Variants in SS18L1 observed in about 807,000 individuals in gnomAD.
SS18L1 encodes calcium-responsive transactivator.
In SS18L1, 32 loss-of-function variants were observed where a neutral mutation model predicts 70.3. That is an observed-to-expected ratio of 0.46 (90% CI 0.34 to 0.61). The LOEUF is 0.61. Among genes scored for constraint, SS18L1 ranks in the 20% least tolerant of loss-of-function variants. The pLI is 0.01. For missense variants in SS18L1, 430 were observed against 542.1 expected (o/e 0.79, Z 2.05); for synonymous variants, 237 against 229.7 (o/e 1.03, Z -0.29).
At chr20:62,152,171 G>A (rs768275011) in intron 1 of SS18L1, among the ~76,000 whole-genome samples, 1 of 152,116 alleles carries the variant, frequency 6.6e-6, no homozygotes, top group South Asian at 2.1e-4. Context: ...CTGGGGCTCC[G>A]CTGCCTCATG....
intron 7 of SS18L1, among the ~76,000 whole-genome samples, chr20:62,164,708 A>G (rs1020550605): frequency 6.6e-6 from 1 of 152,188 alleles, no homozygotes; most frequent in African/African-American, 2.4e-5. Context: ...GTCTTTGCAT[A>G]GTCCCAGGGC....
intron 1 of SS18L1, among the ~76,000 whole-genome samples, chr20:62,156,294 T>A (rs956578920): frequency 6.6e-6 from 1 of 152,170 alleles, no homozygotes; most frequent in African/African-American, 2.4e-5. Flanking sequence ...CCCATAGTTG[T>A]CCCTTCCTGC....
intron 4 of SS18L1, among the ~76,000 whole-genome samples, chr20:62,162,251 C>T (rs1018307385): frequency 6.6e-6 from 1 of 152,112 alleles, no homozygotes; most frequent in Non-Finnish European, 1.5e-5. Flanking sequence ...AAAATAACAA[C>T]AAATAAACGA....
rs528145159 is a variant in SS18L1, at chr20:62,159,649, G to T, written c.147-228G>T. 5.3e-4 allele frequency among the ~76,000 whole-genome samples: 80 copies of T among 152,182 alleles called. No individual in the cohort carries two copies. Among genetic ancestry groups the T allele is most frequent in the African/African-American group, 1.9e-3 (79 of 41,532 alleles). On this transcript the variant is annotated intron_variant, in intron 2 of 10. Transcript: ENST00000331758. The surrounding 1 kb of genome is among the most constrained non-coding windows in gnomAD (Gnocchi z 4.4). ...AGTCTTTCCAGAGTTTTTGTCATGG[G>T]TTGGGAGCCTGCTCAGGGTTTGGGG... is the stretch of plus-strand genomic sequence containing the variant.
rs375266157 is a variant in SS18L1, at chr20:62,157,420, C to T, written c.70-1252C>T. Among the ~76,000 whole-genome samples the T allele has an allele frequency of 9.8e-5, 15 of 152,334 alleles. No individual in the cohort carries two copies. The East Asian group carries it at 1.4e-3, about 14-fold the overall frequency. ...CCTGCTGCTCAGGTGTGGCCAGGCA[C>T]GTGGGTCACCAGGTCAGAGACAGGC... On this transcript the variant is annotated intron_variant, in intron 1 of 10. Transcript: ENST00000331758.
At chr20:62,162,962 G>T (rs761940228) in intron 5 of SS18L1, 31 bp downstream of exon 5, 3 of 1,603,772 alleles carry the variant, frequency 1.9e-6, no homozygotes, top group Admixed American at 3.4e-5. Context: ...ACCCCGGGGG[G>T]CCTGGGCCTG....
chr20:62,173,983 C>T (rs533576750), intron 9 of SS18L1, among the ~76,000 whole-genome samples: 2 of 151,758 alleles, frequency 1.3e-5, no homozygotes, highest in South Asian at 4.2e-4. Flanking sequence ...CACTGCACTC[C>T]AGCCTGGCTT....
Position 62,161,943 on chromosome 20 carries a change from G to A in SS18L1, c.376+363G>A, listed in dbSNP as rs186161734. On this transcript the variant is annotated intron_variant, in intron 4 of 10. Coordinates refer to ENST00000331758, the MANE Select transcript of SS18L1 (RefSeq NM_198935.3). This position sits in a 1 kb window ranked among gnomAD's most constrained non-coding sequence, Gnocchi z 4.4. Reference sequence around the variant, plus strand: ...ACCATTAACAGTAATATAACAGGCCGGGTGTGGTGGCTCAGATCTCTAATC... The same window carrying A: ...ACCATTAACAGTAATATAACAGGCCAGGTGTGGTGGCTCAGATCTCTAATC... Among the ~76,000 whole-genome samples the A allele has an allele frequency of 2.6e-5, 4 of 152,352 alleles. No individual in the cohort carries two copies. Among genetic ancestry groups the A allele is most frequent in the South Asian group, 2.1e-4 (1 of 4,826 alleles).
At position 62,174,418 on chromosome 20, in the gene SS18L1, A is replaced by G; in HGVS notation, c.1037-99A>G. ...TGATGCATTGAGACGGGAATTTTTC[A>G]AGGAGAAGAGGAAGTTTTAAAAAAA... On this transcript the variant is annotated intron_variant, in intron 9 of 10. Coordinates refer to ENST00000331758, the MANE Select transcript of SS18L1 (RefSeq NM_198935.3). The surrounding 1 kb of genome is among the most constrained non-coding windows in gnomAD (Gnocchi z 4.1). 1 of 1,502,220 alleles carries G rather than the reference A, an allele frequency of 6.7e-7. No homozygotes were observed. Among genetic ancestry groups the G allele is most frequent in the Non-Finnish European group, 8.9e-7 (1 of 1,128,918 alleles). The allele number at this position is 1,502,220 out of a possible 1,614,324, so 93.1% of individuals were successfully genotyped here. A position where few individuals can be genotyped will look rare whatever the true frequency, so the allele number is the denominator to read the frequency against.
chr20:62,177,547 TTAAC>T (rs2057641875), intron 10 of SS18L1, among the ~76,000 whole-genome samples: 1 of 152,238 alleles, frequency 6.6e-6, no homozygotes, highest in African/African-American at 2.4e-5. Context: ...AATCTGATCA[TTAAC>T]TAGCTGGGGA....
At chr20:62,165,197 A>G (rs1247583202) in intron 7 of SS18L1, among the ~76,000 whole-genome samples, 15 of 152,180 alleles carry the variant, frequency 9.9e-5, no homozygotes, top group Admixed American at 9.2e-4. Context: ...ATAAATCCCC[A>G]GGTAGCTTCA....
chr20:62,171,454 T>C (rs1458863542), intron 8 of SS18L1, among the ~76,000 whole-genome samples: 1 of 152,188 alleles, frequency 6.6e-6, no homozygotes, highest in Non-Finnish European at 1.5e-5. Flanking sequence ...AGATACTTCC[T>C]GGATAGAGAA....
chr20:62,169,149 C>G (rs1348784665), intron 8 of SS18L1, among the ~76,000 whole-genome samples: 1 of 152,238 alleles, frequency 6.6e-6, no homozygotes, highest in Non-Finnish European at 1.5e-5. Flanking sequence ...AGCGCAGCCC[C>G]TCGTGACCTG....
At chr20:62,176,244 G>A (rs188796712) in intron 10 of SS18L1, among the ~76,000 whole-genome samples, 236 of 152,362 alleles carry the variant, frequency 1.5e-3, no homozygotes, top group African/African-American at 5.5e-3. Context: ...GTGACCGGTC[G>A]TGGTGGCCCA....
chr20:62,160,896 T>C (rs2057316867), intron 3 of SS18L1, among the ~76,000 whole-genome samples: 1 of 151,944 alleles, frequency 6.6e-6, no homozygotes, highest in Admixed American at 6.6e-5. Flanking sequence ...TGGTTGACCT[T>C]GATCTGGGAG....
chr20:62,154,457 A>G (rs1437007382), intron 1 of SS18L1: 1 of 1,030,832 alleles, frequency 9.7e-7, no homozygotes, highest in Non-Finnish European at 1.2e-6. Context: ...CCTTCCGGAA[A>G]CCTCCATGGT....
intron 8 of SS18L1, among the ~76,000 whole-genome samples, chr20:62,171,891 C>T (rs1288247581): frequency 2.0e-5 from 3 of 151,950 alleles, no homozygotes; most frequent in African/African-American, 7.3e-5. Flanking sequence ...GGTCGGGCAC[C>T]GTGGCTCACG....
At chr20:62,173,482 G>T (rs1318063950) in intron 9 of SS18L1, among the ~76,000 whole-genome samples, 1 of 152,168 alleles carries the variant, frequency 6.6e-6, no homozygotes, top group South Asian at 2.1e-4. Context: ...GGCTGAGGTG[G>T]GCGGATGACC....
rs941440194 is a variant in SS18L1, at chr20:62,181,726, T to C, written c.*2518T>C. On this transcript the variant is annotated 3_prime_UTR_variant, in exon 11 of 11. Transcript: ENST00000331758. ...TGCTGTCCATTTTTATGTAATATTA[T>C]GGGGAAAGTGATGCCAGCAGTTCCT... The C allele has an allele frequency of 8.5e-5, 19 of 223,004 alleles. No homozygotes were observed. Among genetic ancestry groups the C allele is most frequent in the Non-Finnish European group, 2.7e-5 (3 of 111,530 alleles). The allele number at this position is 223,004 out of a possible 1,614,324, so 13.8% of individuals were successfully genotyped here. A position where few individuals can be genotyped will look rare whatever the true frequency, so the allele number is the denominator to read the frequency against.
Sources: allele counts gnomAD v4.1 joint callset (sites outside exome capture counted in the v4.1 genomes callset), GRCh38; gene constraint gnomAD v4.1.1; non-coding constraint Gnocchi (gnomAD v3.1); transcripts MANE v1.5; gene names NCBI Gene and HGNC (gene_info 2026-07-23, HGNC 2026-07-21).